The following EYS variants were observed in gnomAD, a reference collection of about 807,000 sequenced individuals.
The protein encoded by EYS is EGF-like photoreceptor maintenance factor, also known as protein eyes shut homolog.
In EYS, 250 loss-of-function variants were observed where a neutral mutation model predicts 282.1. The ratio of observed to expected loss-of-function variants is 0.89; its 90% CI spans 0.80 to 0.98. The LOEUF is 0.98. EYS is among the 50% of genes least tolerant of loss of function. The pLI, the probability that EYS is intolerant of heterozygous loss-of-function variation, is 0.00. For synonymous variants in EYS, 1,355 were observed against 1,282.9 expected (o/e 1.06, Z -1.20); for missense variants, 4,016 against 3,709.0 (o/e 1.08, Z -2.15).
intron 22 of EYS, among the ~76,000 whole-genome samples, chr6:64,786,877 T>C (rs1027864576): frequency 6.6e-6 from 1 of 152,232 alleles, no homozygotes; most frequent in African/African-American, 2.4e-5. Flanking sequence ...CTCAGCTTTC[T>C]CTGACTTCAC....
At chr6:65,166,391 G>A (rs1244882234) in intron 12 of EYS, among the ~76,000 whole-genome samples, 1 of 151,238 alleles carries the variant, frequency 6.6e-6, no homozygotes, top group Non-Finnish European at 1.5e-5. Flanking sequence ...AGTTATAAAA[G>A]ATCCATGATG....
intron 26 of EYS, among the ~76,000 whole-genome samples, chr6:64,546,317 A>G (rs1311909576): frequency 5.3e-5 from 8 of 152,238 alleles, no homozygotes; most frequent in Non-Finnish European, 1.0e-4. Context: ...CTGGCTAGCC[A>G]TATGTAGAAA....
At chr6:65,126,089 A>T (rs1041522584) in intron 12 of EYS, among the ~76,000 whole-genome samples, 1 of 152,146 alleles carries the variant, frequency 6.6e-6, no homozygotes, top group African/African-American at 2.4e-5. Flanking sequence ...GACACCAACA[A>T]GTCAGGGTTT....
Position 65,495,524 on chromosome 6 carries a change from A to G in EYS, c.-114T>C. On this transcript the variant is annotated 5_prime_UTR_variant, in exon 4 of 43. Coordinates refer to ENST00000503581, the MANE Select transcript of EYS (RefSeq NM_001142800.2). Reference sequence around the variant, plus strand: ...TGGTTAAGGATTCCTGGGAATTGGAATTGACCTTTTTTCTATACCCAAAGT... The same window carrying G: ...TGGTTAAGGATTCCTGGGAATTGGAGTTGACCTTTTTTCTATACCCAAAGT... 2 of 1,159,676 alleles carry G rather than the reference A, an allele frequency of 1.7e-6. No individual in the cohort carries two copies. Among genetic ancestry groups the G allele is most frequent in the Admixed American group, 2.0e-5 (1 of 49,516 alleles). 71.8% of individuals were successfully genotyped at this position (1,159,676 alleles called of 1,614,324 possible).
chr6:64,308,055 C>A (rs1769523533), intron 29 of EYS, among the ~76,000 whole-genome samples: 1 of 152,016 alleles, frequency 6.6e-6, no homozygotes, highest in Admixed American at 6.5e-5. Context: ...CAAGGCACTA[C>A]ATTTTTCCAT....
chr6:64,736,565 G>T (rs1772188543), intron 22 of EYS, among the ~76,000 whole-genome samples: 2 of 152,058 alleles, frequency 1.3e-5, no homozygotes, highest in Non-Finnish European at 2.9e-5. Context: ...CCCCAAACTT[G>T]TTCCTCCCTT....
At chr6:64,587,318 C>T (rs572377217) in intron 26 of EYS, among the ~76,000 whole-genome samples, 1 of 152,118 alleles carries the variant, frequency 6.6e-6, no homozygotes, top group South Asian at 2.1e-4. Flanking sequence ...TGATAGCACT[C>T]AGTGGTCTAC....
At chr6:65,459,881 T>A (rs1764753813) in intron 5 of EYS, among the ~76,000 whole-genome samples, 1 of 149,236 alleles carries the variant, frequency 6.7e-6, no homozygotes, top group Admixed American at 6.7e-5. Context: ...TAAACAGAAA[T>A]TACCTAAACT....
Position 65,341,173 on chromosome 6 carries a change from TG to T in EYS, c.1599+2864del, listed in dbSNP as rs1582160817. On this transcript the variant is annotated intron_variant, in intron 10 of 42. Transcript: ENST00000503581. ...GTTCTAAATAAGCGATGAGTTCAGA[TG>T]ATCACATCACTCTGGTGTTCCTTTG... Among the ~76,000 whole-genome samples, 3 of 151,316 alleles carry T rather than the reference TG, an allele frequency of 2.0e-5. No individual in the cohort carries two copies. The East Asian group carries it at 5.8e-4, about 29-fold the overall frequency.
intron 19 of EYS, among the ~76,000 whole-genome samples, chr6:64,829,976 A>G (rs983418507): frequency 6.6e-6 from 1 of 151,986 alleles, no homozygotes; most frequent in African/African-American, 2.4e-5. Context: ...TTGTGCTAAG[A>G]AACTATCAGT....
intron 26 of EYS, among the ~76,000 whole-genome samples, chr6:64,545,256 C>T (rs906089299): frequency 6.6e-6 from 1 of 152,076 alleles, no homozygotes; most frequent in African/African-American, 2.4e-5. Flanking sequence ...ATAAACAGAA[C>T]CAACGACAAA....
At chr6:64,502,227 TTTTTG>T (rs539704993) in intron 26 of EYS, among the ~76,000 whole-genome samples, 70 of 149,324 alleles carry the variant, frequency 4.7e-4, no homozygotes, top group African/African-American at 1.6e-3. Flanking sequence ...GCTGGTTTTT[TTTTTG>T]TTTTGTTTTG....
At chr6:65,371,692 CCTCT>C (rs1334078636) in intron 8 of EYS, among the ~76,000 whole-genome samples, 17 of 113,218 alleles carry the variant, frequency 1.5e-4, no homozygotes, top group Non-Finnish European at 2.5e-4. Context: ...CCTTCAAATT[CCTCT>C]CTCTCTCTCT....
intron 29 of EYS, among the ~76,000 whole-genome samples, chr6:64,375,836 G>T (rs77419421): frequency 1.3e-5 from 2 of 152,126 alleles, no homozygotes; most frequent in African/African-American, 2.4e-5. Context: ...TTCTGTATAA[G>T]GCTCTATAAT....
At chr6:64,930,885 T>C (rs144642122) in intron 15 of EYS, among the ~76,000 whole-genome samples, 3 of 152,216 alleles carry the variant, frequency 2.0e-5, no homozygotes, top group Non-Finnish European at 4.4e-5. Flanking sequence ...GGTCCAATAA[T>C]GGCCATACAG....
intron 39 of EYS, among the ~76,000 whole-genome samples, chr6:63,781,965 G>T (rs1013384731): frequency 6.6e-6 from 1 of 152,212 alleles, no homozygotes; most frequent in African/African-American, 2.4e-5. Context: ...ATGAAGAGCT[G>T]TTGAATTTTG....
At chr6:64,457,707 C>CT (rs1262966418) in intron 26 of EYS, among the ~76,000 whole-genome samples, 1 of 151,796 alleles carries the variant, frequency 6.6e-6, no homozygotes, top group African/African-American at 2.4e-5. Flanking sequence ...TCTGAAATAT[C>CT]TTTTTTCAGT....
At chr6:65,031,060 G>A (rs1772586910) in intron 13 of EYS, among the ~76,000 whole-genome samples, 2 of 151,050 alleles carry the variant, frequency 1.3e-5, no homozygotes, top group South Asian at 4.2e-4. Context: ...CATTACACAT[G>A]ATAAATAGGT....
At chr6:64,348,831 G>A (rs1439911413) in intron 29 of EYS, among the ~76,000 whole-genome samples, 1 of 151,290 alleles carries the variant, frequency 6.6e-6, no homozygotes, top group Non-Finnish European at 1.5e-5. Flanking sequence ...TCCCTATACT[G>A]AGAATCTTTA....
Sources: allele counts gnomAD v4.1 joint callset (sites outside exome capture counted in the v4.1 genomes callset), GRCh38; gene constraint gnomAD v4.1.1; transcripts MANE v1.5; gene names NCBI Gene and HGNC (gene_info 2026-07-23, HGNC 2026-07-21).